Variants in AATK observed in about 807,000 individuals in gnomAD.
AATK encodes lemur tail kinase 1.
In AATK, 91 loss-of-function variants were observed where a neutral mutation model predicts 114.3. The ratio of observed to expected loss-of-function variants is 0.80; its 90% CI spans 0.67 to 0.95. AATK has a LOEUF of 0.95. Among genes scored for constraint, AATK ranks in the 40% least tolerant of loss-of-function variants. AATK has a pLI of 0.00. For synonymous variants in AATK, 1,075 were observed against 916.5 expected, an observed-to-expected ratio of 1.17 and a Z score of -3.12; for missense variants, 2,176 against 1,965.2, an observed-to-expected ratio of 1.11 and a Z score of -2.03.
intron 1 of AATK, chr17:81,160,209 C>T (rs2061413843): frequency 3.1e-6 from 3 of 968,494 alleles, no homozygotes; most frequent in East Asian, 1.1e-4. Flanking sequence ...GAGCACAGCC[C>T]GCATCCTCCC....
chr17:81,165,692 G>A, intron 1 of AATK: 1 of 1,516,216 alleles, frequency 6.6e-7, no homozygotes, highest in Non-Finnish European at 8.8e-7. Flanking sequence ...CTGTGCCCTG[G>A]AGGCAGCCAC....
chr17:81,127,582 C>G lies in AATK; in HGVS notation c.621+1G>C, dbSNP rs1555695386. 1 of 1,595,312 alleles carries G rather than the reference C, an allele frequency of 6.3e-7. No individual in the cohort carries two copies. Among genetic ancestry groups the G allele is most frequent in the Non-Finnish European group, 8.5e-7 (1 of 1,171,630 alleles). On this transcript the variant is annotated splice_donor_variant, in intron 6 of 13. Transcript: ENST00000326724. LOFTEE classifies it high-confidence loss of function. ...CAGCATCCCCCCGGGCAGCAGCTCA[C>G]CAGTGGGCAGAACTCCATCACCAGC...
Position 81,141,924 on chromosome 17 carries a change from C to CTTCCTTCCTTCCT in AATK, c.56-7436_56-7424dup, listed in dbSNP as rs1479777593. Among the ~76,000 whole-genome samples, 50 of 39,204 alleles carry CTTCCTTCCTTCCT rather than the reference C, an allele frequency of 1.3e-3. 1 individual carries two copies. Among genetic ancestry groups the CTTCCTTCCTTCCT allele is most frequent in the South Asian group, 2.6e-3 (2 of 760 alleles). The allele number at this position is 39,204 out of a possible 152,430, so 25.7% of individuals were successfully genotyped here. ...TTCTCTCTCTTTCTCCCTCTCCTTC[C>CTTCCTTCCTTCCT]TTCCTTCCTTCCTTCCTTCCTTCCT... On this transcript the variant is annotated intron_variant, in intron 1 of 13. Coordinates refer to ENST00000326724, the MANE Select transcript of AATK (RefSeq NM_001080395.3).
intron 7 of AATK, chr17:81,125,242 G>A (rs768415892): frequency 1.4e-6 from 1 of 712,040 alleles, no homozygotes; most frequent in East Asian, 2.5e-5. Context: ...GACCTGGGGA[G>A]GGACTGTGTG....
chr17:81,146,046 G>A (rs1014841628), intron 1 of AATK, among the ~76,000 whole-genome samples: 25 of 151,548 alleles, frequency 1.6e-4, no homozygotes, highest in South Asian at 4.2e-4. Context: ...AAAATTGGCC[G>A]GGCGTGGTGG....
Position 81,120,693 on chromosome 17 carries a change from C to T in AATK, c.3243G>A (p.Pro1081=), listed in dbSNP as rs374173747. The change falls in exon 11 of 14, where the codon CCG becomes CCA. Residue 1081 remains proline, a synonymous_variant. Transcript: ENST00000326724. ...GCACCTTGGCTGGGCCTTGGGGCTC[C>T]GGAGGCTCTGGGACCAGGCCCGAGG... ...TCPSGLVPEP[P]EPQGPAKVRP... 16 of 1,517,208 alleles carry T rather than the reference C, an allele frequency of 1.1e-5. No individual in the cohort carries two copies. The highest frequency in any genetic ancestry group is 7.0e-5 in the East Asian group (3 of 42,622). The allele number at this position is 1,517,208 out of a possible 1,614,324, so 94.0% of individuals were successfully genotyped here.
chr17:81,134,595 T>C, intron 1 of AATK, 94 bp from the exon 2 acceptor site: 1 of 1,479,148 alleles, frequency 6.8e-7, no homozygotes, highest in Non-Finnish European at 9.1e-7. Context: ...CTGGACTTGC[T>C]GCATTCCAGG....
At position 81,118,353 on chromosome 17, in the gene AATK, G is replaced by T; in HGVS notation, c.*49C>A. ...CGGTCACCATCCTCGCTGCTGCCTG[G>T]CAGGGGCTCCGGTGACGCCAGCCTT... On this transcript the variant is annotated 3_prime_UTR_variant, in exon 14 of 14. Coordinates refer to ENST00000326724, the MANE Select transcript of AATK (RefSeq NM_001080395.3). The T allele has an allele frequency of 1.3e-6, 2 of 1,560,146 alleles. No individual in the cohort carries two copies. The highest frequency in any genetic ancestry group is 1.4e-5 in the African/African-American group (1 of 73,518).
rs1277585623 is a variant in AATK, at chr17:81,122,303, G to C, written c.1633C>G (p.Pro545Ala). Residue 545 changes from proline to alanine, a missense_variant, in exon 11 of 14, where the codon CCT becomes GCT. Pro to Ala is a conservative substitution (Grantham distance 27). Coordinates refer to ENST00000326724, the MANE Select transcript of AATK (RefSeq NM_001080395.3). ...EEAAPAAGHD[P>A]DCAGCAPSPP... The stretch of plus-strand genomic sequence containing the variant: ...CTGGGGGCGCAGCCGGCGCAGTCAG[G>C]GTCGTGGCCGGCGGCGGGTGCGGCC... 3.3e-6 allele frequency: 5 copies of C among 1,509,004 alleles called. No individual in the cohort carries two copies. The highest frequency in any genetic ancestry group is 4.4e-6 in the Non-Finnish European group (5 of 1,134,538). 93.5% of individuals were successfully genotyped at this position (1,509,004 alleles called of 1,614,324 possible).
intron 1 of AATK, among the ~76,000 whole-genome samples, chr17:81,151,360 C>T (rs1204985427): frequency 2.1e-5 from 3 of 145,464 alleles, no homozygotes; most frequent in Non-Finnish European, 4.5e-5. Context: ...AAAGGACAGA[C>T]CCTGTGCCTG....
At chr17:81,133,238 G>A in intron 2 of AATK, 2 of 491,858 alleles carry the variant, frequency 4.1e-6, no homozygotes, top group Non-Finnish European at 8.4e-6. Flanking sequence ...TGAATGGGCT[G>A]GAAAATGTGG....
chr17:81,131,042 C>T lies in AATK; in HGVS notation c.334+19G>A. 1.9e-6 allele frequency: 3 copies of T among 1,546,112 alleles called. No individual in the cohort carries two copies. Among genetic ancestry groups the T allele is most frequent in the Non-Finnish European group, 1.7e-6 (2 of 1,146,930 alleles). ...GGGCCCCGGAGGGAGGCCACCCCAT[C>T]TCCCCACCCAGCCCTCACCTGAGCG... On this transcript the variant is annotated intron_variant, in intron 3 of 13. Transcript: ENST00000326724.
Position 81,122,307 on chromosome 17 carries a change from G to C in AATK, c.1629C>G (p.His543Gln). Reference sequence around the variant, plus strand: ...GGGCGCAGCCGGCGCAGTCAGGGTCGTGGCCGGCGGCGGGTGCGGCCTCCT... The same window carrying C: ...GGGCGCAGCCGGCGCAGTCAGGGTCCTGGCCGGCGGCGGGTGCGGCCTCCT... ...RLEEAAPAAG[H>Q]DPDCAGCAPS... is the part of the protein sequence containing the mutation. Residue 543 changes from histidine (H) to glutamine (Q), a missense_variant, in exon 11 of 14, where the codon CAC becomes CAG. Transcript: ENST00000326724. 2 of 1,510,238 alleles carry C rather than the reference G, an allele frequency of 1.3e-6. No individual in the cohort carries two copies. Among genetic ancestry groups the C allele is most frequent in the Non-Finnish European group, 1.8e-6 (2 of 1,134,742 alleles). 93.6% of individuals were successfully genotyped at this position (1,510,238 alleles called of 1,614,324 possible).
At chr17:81,122,907 AC>A in intron 10 of AATK, 84 bp from the exon 11 acceptor site, 2 of 1,238,124 alleles carry the variant, frequency 1.6e-6, no homozygotes, top group South Asian at 1.7e-5. Flanking sequence ...GGTTCCCCTA[AC>A]TCCCAGTGTC....
intron 11 of AATK, 50 bp from the exon 12 acceptor site, chr17:81,120,133 C>T (rs752197081): frequency 2.5e-5 from 37 of 1,489,852 alleles, no homozygotes; most frequent in Admixed American, 1.7e-4. Context: ...GAGCCGCGGC[C>T]GCTCCCACCC....
In AATK at chr17:81,159,446, G is replaced by T. The variant is rs936160711; in HGVS notation, c.55+6492C>A. Among the ~76,000 whole-genome samples the T allele has an allele frequency of 3.9e-5, 6 of 152,232 alleles. No individual in the cohort carries two copies. In the East Asian group the frequency reaches 9.7e-4, roughly 25 times the overall value. On this transcript the variant is annotated intron_variant, in intron 1 of 13. Transcript: ENST00000326724. ...TCCAATGCGGGGAAGCCCCGGACCC[G>T]CACCCCGGAGGTCAGAGCGCACTTG...
chr17:81,138,428 C>G (rs2061058808), intron 1 of AATK, among the ~76,000 whole-genome samples: 1 of 144,240 alleles, frequency 6.9e-6, no homozygotes, highest in Admixed American at 7.0e-5. Context: ...TACCCATACA[C>G]ATGCAAACAC....
chr17:81,120,061 C>T lies in AATK; in HGVS notation c.3758G>A (p.Gly1253Glu). 1 of 1,457,986 alleles carries T rather than the reference C, an allele frequency of 6.9e-7. No homozygotes were observed. Among genetic ancestry groups the T allele is most frequent in the Non-Finnish European group, 9.1e-7 (1 of 1,102,664 alleles). The allele number at this position is 1,457,986 out of a possible 1,614,324, so 90.3% of individuals were successfully genotyped here. Residue 1253 changes from glycine to glutamate, a missense_variant, in exon 12 of 14, where the codon GGG becomes GAG. By Grantham distance (98) the Gly-to-Glu change is moderately conservative (BLOSUM62 -2). Around this residue, in one of 4 missense-constraint regions of AATK, gnomAD observed 1,701 missense variants for 1,394.7 expected, o/e 1.22. Coordinates refer to ENST00000326724, the MANE Select transcript of AATK (RefSeq NM_001080395.3). Reference protein sequence around the residue: ...FDQESPTRELGEPFPGAKESP... With the variant: ...FDQESPTRELEEPFPGAKESP... The stretch of plus-strand genomic sequence containing the variant: ...TTCCTTGGCGCCCGGGAAGGGCTCC[C>T]CGAGCTCCCGGGTGGGGCTTTCCTG...
chr17:81,165,795 AG>A, intron 1 of AATK, 142 bp downstream of exon 1: 3 of 1,502,014 alleles, frequency 2.0e-6, no homozygotes, highest in Non-Finnish European at 2.7e-6. Context: ...TGGGGCCGCC[AG>A]GGGGTCCGGC....
Sources: gnomAD v4.1 joint callset for allele counts (sites outside exome capture counted in the v4.1 genomes callset) on GRCh38, gnomAD v4.1.1 for gene constraint, gnomAD v4.1.1 regional missense constraint, MANE v1.5 for transcripts, NCBI Gene and HGNC (gene_info 2026-07-23, HGNC 2026-07-21) for gene names.